AKAP7: variants seen among roughly 807,000 people sequenced by gnomAD.
The protein encoded by AKAP7 is A-kinase anchoring protein 7.
Under a neutral mutation model 39.5 loss-of-function variants are expected in AKAP7, and 39 were observed. The ratio of observed to expected loss-of-function variants is 0.99; its 90% CI spans 0.76 to 1.29. The LOEUF (loss-of-function observed/expected upper bound fraction) is 1.29, where lower values mean the gene tolerates loss of function less well. Among genes scored for constraint, AKAP7 ranks in the 50% most tolerant of loss-of-function variants. The pLI is 0.00. For synonymous variants in AKAP7, 140 were observed against 139.1 expected, an observed-to-expected ratio of 1.01 and a Z score of -0.05; for missense variants, 414 against 407.7, an observed-to-expected ratio of 1.02 and a Z score of -0.13.
intron 7 of AKAP7, among the ~76,000 whole-genome samples, chr6:131,247,269 GTATATATATATATA>G (rs60033504): frequency 0.17 from 15,212 of 91,992 alleles, 1,424 homozygotes; most frequent in Middle Eastern, 0.31. Flanking sequence ...CATTTCATAT[GTATATATATATATA>G]TATATATATA....
chr6:131,160,067 G>A lies in AKAP7; in HGVS notation c.160G>A (p.Glu54Lys), dbSNP rs755214926. Reference sequence around the variant, plus strand: ...TGACTTTTTTCCTCTAGTCACTGATGAACCTCAAATAAATTTGAAGAGAAG... The same window carrying A: ...TGACTTTTTTCCTCTAGTCACTGATAAACCTCAAATAAATTTGAAGAGAAG... ...DIQDDCGITD[E>K]PQINLKRSQE... is the part of the protein sequence containing the mutation. Residue 54 changes from glutamate (E) to lysine (K), a missense_variant, in exon 3 of 8, where the codon GAA (glutamate) becomes AAA (lysine). By Grantham distance (56) the Glu-to-Lys change is moderately conservative. Coordinates refer to ENST00000431975, the MANE Select transcript of AKAP7 (RefSeq NM_016377.4). The A allele has an allele frequency of 1.3e-6, 2 of 1,588,146 alleles. No individual in the cohort carries two copies. Among genetic ancestry groups the A allele is most frequent in the South Asian group, 1.2e-5 (1 of 85,230 alleles).
At chr6:131,129,617 T>G in the AKAP7 span, among the ~76,000 whole-genome samples, 1 of 152,238 alleles carries the variant, frequency 6.6e-6, no homozygotes, top group Admixed American at 6.6e-5. Context: ...AATGTTGCAT[T>G]CTGTTATTAA....
chr6:131,264,593 C>G (rs751554969), intron 7 of AKAP7, among the ~76,000 whole-genome samples: 3 of 152,164 alleles, frequency 2.0e-5, no homozygotes, highest in Non-Finnish European at 4.4e-5. Flanking sequence ...GCCTTGTAAC[C>G]TTCTAACTTG....
At chr6:131,254,772 T>A (rs1376151281) in intron 7 of AKAP7, among the ~76,000 whole-genome samples, 1 of 152,228 alleles carries the variant, frequency 6.6e-6, no homozygotes, top group Non-Finnish European at 1.5e-5. Flanking sequence ...CTGTGATGGC[T>A]GAAAATAAAA....
At chr6:131,135,912 A>G (rs923526036) in intron 1 of AKAP7, 130 bp downstream of exon 1, 12 of 1,042,468 alleles carry the variant, frequency 1.2e-5, no homozygotes, top group African/African-American at 1.0e-4. Context: ...CTCCTTCCCA[A>G]AAGGACTCAG....
At chr6:131,135,882 C>A in intron 1 of AKAP7, 100 bp downstream of exon 1, 1 of 1,177,424 alleles carries the variant, frequency 8.5e-7, no homozygotes, top group Non-Finnish European at 1.1e-6. Context: ...TGACCCGCGC[C>A]GGCCCTTCTC....
chr6:131,132,783 A>G (rs1018452278), upstream of AKAP7, among the ~76,000 whole-genome samples: 2 of 152,230 alleles, frequency 1.3e-5, no homozygotes, highest in Non-Finnish European at 2.9e-5. Context: ...TGGCAAGACT[A>G]CCTTGCAGTG....
chr6:131,177,477 T>C (rs1048338904), intron 5 of AKAP7, among the ~76,000 whole-genome samples: 3 of 152,290 alleles, frequency 2.0e-5, no homozygotes, highest in African/African-American at 7.2e-5. Flanking sequence ...GCGTACTCTT[T>C]AGTAACTAAT....
Position 131,199,536 on chromosome 6 carries a change from T to C in AKAP7, c.665T>C (p.Phe222Ser), listed in dbSNP as rs1450076847. 2 of 1,611,854 alleles carry C rather than the reference T, an allele frequency of 1.2e-6. No homozygotes were observed. The highest frequency in any genetic ancestry group is 2.2e-5 in the South Asian group (2 of 90,994). The change falls in exon 6 of 8, where the codon TTC becomes TCC. Residue 222 changes from phenylalanine to serine, a missense_variant. Physicochemically the swap from Phe to Ser is radical, Grantham distance 155. Coordinates refer to ENST00000431975, the MANE Select transcript of AKAP7 (RefSeq NM_016377.4). ...AGAAGTTTTAAACCTCATTTGACCTTCATGAAGTTGTCAAAATCACCGTGG... is the reference window on the plus strand; with the variant it reads ...AGAAGTTTTAAACCTCATTTGACCTCCATGAAGTTGTCAAAATCACCGTGG... ...ESRSFKPHLT[F>S]MKLSKSPWLR...
At chr6:131,244,863 A>G (rs191533867) in intron 7 of AKAP7, among the ~76,000 whole-genome samples, 4 of 152,164 alleles carry the variant, frequency 2.6e-5, no homozygotes, top group Non-Finnish European at 4.4e-5. Flanking sequence ...TCCATTTGCT[A>G]TACATATTAA....
At chr6:131,140,726 G>T (rs1240227371) in intron 1 of AKAP7, among the ~76,000 whole-genome samples, 3 of 152,146 alleles carry the variant, frequency 2.0e-5, no homozygotes, top group Non-Finnish European at 4.4e-5. Context: ...CTATTTAGTT[G>T]CATGTTTTAT....
At chr6:131,253,873 T>G (rs1812644985) in intron 7 of AKAP7, among the ~76,000 whole-genome samples, 1 of 152,106 alleles carries the variant, frequency 6.6e-6, no homozygotes, top group Non-Finnish European at 1.5e-5. Context: ...TATCCATTCA[T>G]CTATTGATGG....
chr6:131,148,756 C>T (rs1483915465), intron 2 of AKAP7, among the ~76,000 whole-genome samples: 4 of 152,040 alleles, frequency 2.6e-5, no homozygotes, highest in Non-Finnish European at 5.9e-5. Flanking sequence ...TTATTGCCAA[C>T]CCTTAAACCG....
At chr6:131,263,445 T>G (rs1023195449) in intron 7 of AKAP7, among the ~76,000 whole-genome samples, 1 of 152,174 alleles carries the variant, frequency 6.6e-6, no homozygotes, top group Non-Finnish European at 1.5e-5. Flanking sequence ...ATATATGAAA[T>G]TTGAGGAAAG....
intron 5 of AKAP7, chr6:131,184,350 A>G: frequency 1.5e-6 from 1 of 648,100 alleles, no homozygotes; most frequent in South Asian, 1.4e-5. Context: ...GTTCTGGTAG[A>G]TGGAAGCTTT....
chr6:131,145,414 G>C lies in AKAP7; in HGVS notation c.149G>C (p.Gly50Ala). Residue 50 changes from glycine to alanine, a missense_variant and splice_region_variant, in exon 2 of 8, where the codon GGA becomes GCA. Physicochemically the swap from Gly to Ala is moderately conservative, Grantham distance 60. Coordinates refer to ENST00000431975, the MANE Select transcript of AKAP7 (RefSeq NM_016377.4). ...FATVDIQDDC[G>A]ITDEPQINLK... ...ACTGTAGATATTCAGGATGACTGTG[G>C]AAGTAAGTACTTTATTAAGTAAACG... is the stretch of plus-strand genomic sequence containing the variant. The C allele has an allele frequency of 6.6e-7, 1 of 1,506,340 alleles. No individual in the cohort carries two copies. 93.3% of individuals were successfully genotyped at this position (1,506,340 alleles called of 1,614,324 possible).
intron 5 of AKAP7, among the ~76,000 whole-genome samples, chr6:131,185,830 A>G (rs569304062): frequency 3.5e-4 from 53 of 152,278 alleles, no homozygotes; most frequent in Admixed American, 1.2e-3. Flanking sequence ...ATGTAGTCCA[A>G]TTTATCTGTT....
chr6:131,175,819 C>A (rs975356450), intron 5 of AKAP7, among the ~76,000 whole-genome samples: 1 of 152,146 alleles, frequency 6.6e-6, no homozygotes, highest in Non-Finnish European at 1.5e-5. Context: ...AGTCAGTAGG[C>A]CTTGCTAAGT....
intron 2 of AKAP7, among the ~76,000 whole-genome samples, chr6:131,146,586 G>A (rs972613010): frequency 6.6e-6 from 1 of 152,218 alleles, no homozygotes; most frequent in East Asian, 1.9e-4. Flanking sequence ...AGGAAAATAA[G>A]GAAAAGCGTC....
Sources: allele counts gnomAD v4.1 joint callset (sites outside exome capture counted in the v4.1 genomes callset), GRCh38; gene constraint gnomAD v4.1.1; transcripts MANE v1.5; gene names NCBI Gene and HGNC (gene_info 2026-07-23, HGNC 2026-07-21).